STK39: variants seen among roughly 807,000 people sequenced by gnomAD.
The protein encoded by STK39 is STE20/SPS1-related proline-alanine-rich protein kinase.
Under a neutral mutation model 77.8 loss-of-function variants are expected in STK39, and 20 were observed. The observed-to-expected ratio is 0.26, with a 90% CI of 0.18 to 0.37. The LOEUF (loss-of-function observed/expected upper bound fraction) is 0.37. Among genes scored for constraint, STK39 ranks in the 10% least tolerant of loss-of-function variants. STK39 has a pLI of 1.00. For synonymous variants in STK39, 246 were observed against 234.1 expected (o/e 1.05, Z -0.47); for missense variants, 479 against 656.5 (o/e 0.73, Z 2.95).
At chr2:168,058,736 C>A (rs1024250547) in intron 14 of STK39, among the ~76,000 whole-genome samples, 3 of 152,240 alleles carry the variant, frequency 2.0e-5, no homozygotes, top group Non-Finnish European at 4.4e-5. Context: ...TAATTGCTTA[C>A]CACTTCCGTT....
At chr2:168,066,281 A>G (rs1317393153) in intron 12 of STK39, among the ~76,000 whole-genome samples, 1 of 152,242 alleles carries the variant, frequency 6.6e-6, no homozygotes, top group Non-Finnish European at 1.5e-5. Context: ...TCAAAAAGTT[A>G]AGATAGACTG....
chr2:168,217,198 A>G (rs1477611856), intron 1 of STK39, among the ~76,000 whole-genome samples: 1 of 152,216 alleles, frequency 6.6e-6, no homozygotes, highest in East Asian at 1.9e-4. Flanking sequence ...AAGGGTGCCT[A>G]GAAAGTAATG....
At chr2:168,090,627 C>T (rs938968724) in intron 10 of STK39, among the ~76,000 whole-genome samples, 2 of 152,240 alleles carry the variant, frequency 1.3e-5, no homozygotes, top group East Asian at 3.9e-4. Context: ...CAACAGGTAC[C>T]GTAGAAATAT....
intron 5 of STK39, among the ~76,000 whole-genome samples, chr2:168,145,601 C>T (rs553585070): frequency 9.9e-5 from 15 of 152,244 alleles, no homozygotes; most frequent in South Asian, 4.1e-4. Context: ...AATAGAAAAG[C>T]GATTTCTCCT....
rs1384938779 is a variant in STK39, at chr2:168,053,464, T to C, written c.1376+10036A>G. On this transcript the variant is annotated intron_variant, in intron 14 of 17. Coordinates refer to ENST00000355999, the MANE Select transcript of STK39 (RefSeq NM_013233.3). The stretch of plus-strand genomic sequence containing the variant: ...TTACCAAGAGGCTAATAATTATTTC[T>C]GGGTGGTGAGATTATGGATGATGTT... Among the ~76,000 whole-genome samples the C allele has an allele frequency of 2.0e-5, 3 of 152,218 alleles. No homozygotes were observed. The East Asian group carries it at 5.8e-4, about 29-fold the overall frequency.
chr2:168,216,093 A>G (rs1263616643), intron 1 of STK39, among the ~76,000 whole-genome samples: 1 of 152,090 alleles, frequency 6.6e-6, no homozygotes, highest in African/African-American at 2.4e-5. Flanking sequence ...GAGAAACCTC[A>G]CATTGGTGGA....
At chr2:168,020,062 A>G (rs895317858) in intron 14 of STK39, among the ~76,000 whole-genome samples, 1 of 152,162 alleles carries the variant, frequency 6.6e-6, no homozygotes, top group Non-Finnish European at 1.5e-5. Context: ...GCTTTCATAT[A>G]TATTAGCAGT....
chr2:168,119,972 C>G (rs1265686005), intron 10 of STK39, among the ~76,000 whole-genome samples: 2 of 152,058 alleles, frequency 1.3e-5, no homozygotes, highest in Non-Finnish European at 2.9e-5. Flanking sequence ...GGTTAAGGCT[C>G]GACCTCCTTA....
In STK39 at chr2:168,128,347, TCTGATAGGAGTCCTCAAACTC is replaced by T. The variant is rs1224843895; in HGVS notation, c.1089+1173_1089+1193del. On this transcript the variant is annotated intron_variant, in intron 10 of 17. Coordinates refer to ENST00000355999, the MANE Select transcript of STK39 (RefSeq NM_013233.3). ...TCTCTCCAGGCATCTCTTTCAGTCT[TCTGATAGGAGTCCTCAAACTC>T]TGGTGCCCTCAAACTGAAGATTTAG... 9.8e-5 allele frequency among the ~76,000 whole-genome samples: 15 copies of T among 152,318 alleles called. No individual in the cohort carries two copies. In the South Asian group the frequency reaches 3.1e-3, roughly 32 times the overall value.
intron 1 of STK39, among the ~76,000 whole-genome samples, chr2:168,194,798 T>C (rs1192235165): frequency 6.6e-6 from 1 of 152,224 alleles, no homozygotes; most frequent in Non-Finnish European, 1.5e-5. Flanking sequence ...TTAAATAAAC[T>C]TTATAACGCT....
chr2:168,211,751 A>AATAG (rs1205017468), intron 1 of STK39, among the ~76,000 whole-genome samples: 1 of 152,198 alleles, frequency 6.6e-6, no homozygotes, highest in Non-Finnish European at 1.5e-5. Context: ...AAGAGTGGAA[A>AATAG]ATAATCTGTC....
chr2:168,143,499 T>G lies in STK39; in HGVS notation c.629-2741A>C, dbSNP rs116987539. On this transcript the variant is annotated intron_variant, in intron 5 of 17. Transcript: ENST00000355999. The stretch of plus-strand genomic sequence containing the variant: ...AGGCCAATGCAAGTGGATCACGAGG[T>G]CAGGAGTTCAAGACCATCCAGGCCA... Among the ~76,000 whole-genome samples the G allele has an allele frequency of 3.7e-4, 56 of 152,216 alleles. No individual in the cohort carries two copies. The East Asian group carries it at 9.7e-3, about 26-fold the overall frequency.
chr2:168,055,130 G>A (rs141374694), intron 14 of STK39, among the ~76,000 whole-genome samples: 2 of 152,136 alleles, frequency 1.3e-5, no homozygotes, highest in Admixed American at 6.5e-5. Flanking sequence ...TGAACACTAT[G>A]CCTACACTAT....
intron 14 of STK39, among the ~76,000 whole-genome samples, chr2:168,021,276 C>T (rs1684564373): frequency 6.6e-6 from 1 of 152,144 alleles, no homozygotes. Flanking sequence ...TAATCTCTGC[C>T]TATATCACCT....
intron 1 of STK39, among the ~76,000 whole-genome samples, chr2:168,231,130 C>A (rs1454403152): frequency 6.6e-6 from 1 of 152,154 alleles, no homozygotes; most frequent in Non-Finnish European, 1.5e-5. Flanking sequence ...TAATAGTAAA[C>A]AAAACTGATG....
intron 12 of STK39, among the ~76,000 whole-genome samples, chr2:168,067,382 G>A (rs1685823151): frequency 6.6e-6 from 1 of 152,106 alleles, no homozygotes. Flanking sequence ...ATTTAAAAGT[G>A]TGTGGCACCT....
intron 17 of STK39, among the ~76,000 whole-genome samples, chr2:167,957,010 T>C (rs1324420519): frequency 1.3e-5 from 2 of 151,630 alleles, no homozygotes; most frequent in South Asian, 2.1e-4. Flanking sequence ...ATATGTACTA[T>C]ACTGTTTTTT....
intron 1 of STK39, among the ~76,000 whole-genome samples, chr2:168,193,307 C>G (rs865803076): frequency 5.9e-5 from 9 of 152,194 alleles, no homozygotes; most frequent in Admixed American, 3.9e-4. Context: ...CTTCCCCCCC[C>G]TCTTCACACA....
chr2:167,996,057 T>A (rs1683830797), intron 16 of STK39, among the ~76,000 whole-genome samples: 1 of 137,858 alleles, frequency 7.3e-6, no homozygotes, highest in Admixed American at 6.9e-5. Flanking sequence ...CTGGTCCTGT[T>A]AATATGTACA....
Sources: gnomAD v4.1 joint callset for allele counts (sites outside exome capture counted in the v4.1 genomes callset) on GRCh38, gnomAD v4.1.1 for gene constraint, MANE v1.5 for transcripts, NCBI Gene and HGNC (gene_info 2026-07-23, HGNC 2026-07-21) for gene names.